HCN4: variants seen among roughly 807,000 people sequenced by gnomAD.
HCN4 encodes the protein potassium/sodium hyperpolarization-activated cyclic nucleotide-gated channel 4.
Under a neutral mutation model 76.9 loss-of-function variants are expected in HCN4, and 29 were observed. The observed-to-expected ratio is 0.38, with a 90% CI of 0.28 to 0.51. HCN4 has a LOEUF of 0.51. Ranked by LOEUF, HCN4 falls within the 20% of genes least tolerant of loss-of-function variation. The pLI is 0.90. For synonymous variants in HCN4, 772 were observed against 762.5 expected, an observed-to-expected ratio of 1.01 and a Z score of -0.21; for missense variants, 1,416 against 1,715.2, an observed-to-expected ratio of 0.83 and a Z score of 3.08.
intron 1 of HCN4, among the ~76,000 whole-genome samples, chr15:73,348,203 C>T (rs923284345): frequency 6.6e-6 from 1 of 152,198 alleles, no homozygotes; most frequent in African/African-American, 2.4e-5. Context: ...AAGGACAAGA[C>T]TAAGGGCCCT....
At chr15:73,331,470 T>TTTTA (rs975320172) in intron 3 of HCN4, among the ~76,000 whole-genome samples, 13 of 152,302 alleles carry the variant, frequency 8.5e-5, no homozygotes, top group African/African-American at 2.6e-4. Flanking sequence ...GCTTTTTGTT[T>TTTTA]TTTATTTTTA....
chr15:73,326,692 G>T (rs2042901334), intron 4 of HCN4, among the ~76,000 whole-genome samples: 1 of 152,172 alleles, frequency 6.6e-6, no homozygotes, highest in Admixed American at 6.5e-5. Context: ...ACATTTTAAA[G>T]TCTCAAATGA....
At chr15:73,344,603 C>G (rs1250228659) in intron 1 of HCN4, among the ~76,000 whole-genome samples, 2 of 152,132 alleles carry the variant, frequency 1.3e-5, no homozygotes, top group Non-Finnish European at 2.9e-5. Context: ...CAGTGAGATA[C>G]CACTCAATGT....
intron 1 of HCN4, among the ~76,000 whole-genome samples, chr15:73,356,986 G>A (rs1015660916): frequency 6.6e-6 from 1 of 152,144 alleles, no homozygotes; most frequent in African/African-American, 2.4e-5. Context: ...TAGTGCAGAT[G>A]GGGGCTTGGG....
At position 73,323,636 on chromosome 15, in the gene HCN4, G is replaced by A. The variant is rs547297597; in HGVS notation, c.2457C>T (p.Ala819=). ...PPGSGLGNLG[A]GQTPRHLKRL... ...GTTTCAGGTGCCTTGGCGTCTGCCC[G>A]GCACCGAGGTTGCCCAGCCCAGATC... The change falls in exon 8 of 8, where the codon GCC becomes GCT. Residue 819 remains alanine, a synonymous_variant. Transcript: ENST00000261917. 6.3e-6 allele frequency: 10 copies of A among 1,597,892 alleles called. No individual in the cohort carries two copies. The highest frequency in any genetic ancestry group is 5.0e-5 in the Admixed American group (3 of 59,658).
At chr15:73,341,611 G>A (rs1016843849) in intron 2 of HCN4, among the ~76,000 whole-genome samples, 2 of 152,144 alleles carry the variant, frequency 1.3e-5, no homozygotes, top group African/African-American at 4.8e-5. Flanking sequence ...TTTAACTTGG[G>A]TCTTAAATGC....
Position 73,325,340 on chromosome 15 carries a change from G to A in HCN4, c.1695C>T (p.Asp565=), listed in dbSNP as rs1182908564. 16 of 1,613,612 alleles carry A rather than the reference G, an allele frequency of 9.9e-6. No individual in the cohort carries two copies. Among genetic ancestry groups the A allele is most frequent in the East Asian group, 6.7e-5 (3 of 44,874 alleles). Residue 565 remains aspartate (D), a synonymous_variant, in exon 5 of 8, where the codon GAC becomes GAT. Coordinates refer to ENST00000261917, the MANE Select transcript of HCN4 (RefSeq NM_005477.3). This position sits in a 1 kb window ranked among gnomAD's most constrained non-coding sequence, Gnocchi z 7.4. ...TTAGCTCGCCCAGGATGCTCTCCTC[G>A]TCGAACATCTTGCCCTGGTAGCGGT... The part of the protein sequence containing the change: ...YEHRYQGKMF[D]EESILGELSE...
At chr15:73,332,649 G>A (rs185997402) in intron 2 of HCN4, among the ~76,000 whole-genome samples, 2 of 152,332 alleles carry the variant, frequency 1.3e-5, no homozygotes, top group African/African-American at 4.8e-5. Context: ...GAGGATACCA[G>A]GGAGAAAAGC....
At chr15:73,355,946 T>C (rs2043077047) in intron 1 of HCN4, among the ~76,000 whole-genome samples, 1 of 152,100 alleles carries the variant, frequency 6.6e-6, no homozygotes, top group African/African-American at 2.4e-5. Context: ...CAGTCAAGCT[T>C]ACAAGAATCA....
intron 1 of HCN4, among the ~76,000 whole-genome samples, chr15:73,345,855 C>T (rs2043027547): frequency 6.6e-6 from 1 of 152,168 alleles, no homozygotes; most frequent in African/African-American, 2.4e-5. Flanking sequence ...GGAGGAGTTT[C>T]TAAAATTAAC....
chr15:73,356,989 G>A (rs914722108), intron 1 of HCN4, among the ~76,000 whole-genome samples: 2 of 152,118 alleles, frequency 1.3e-5, no homozygotes, highest in Non-Finnish European at 2.9e-5. Context: ...TGCAGATGGG[G>A]GCTTGGGGAT....
At position 73,367,896 on chromosome 15, in the gene HCN4, G is replaced by C; in HGVS notation, c.375C>G (p.Ser125=). The C allele has an allele frequency of 8.0e-6, 11 of 1,380,728 alleles. No homozygotes were observed. Among genetic ancestry groups the C allele is most frequent in the Non-Finnish European group, 9.4e-6 (10 of 1,065,690 alleles). The allele number at this position is 1,380,728 out of a possible 1,614,324, so 85.5% of individuals were successfully genotyped here. A position where few individuals can be genotyped will look rare whatever the true frequency, so the allele number is the denominator to read the frequency against. ...CGGCGATGAGCCGCCGCTCCTCCGCGGAGTCATGCAGGTGTCCGTGACTGC... is the reference window on the plus strand; with the variant it reads ...CGGCGATGAGCCGCCGCTCCTCCGCCGAGTCATGCAGGTGTCCGTGACTGC... ...SGSSHGHLHD[S]AEERRLIAEG... is the part of the protein sequence containing the mutation. The change falls in exon 1 of 8, where the codon TCC becomes TCG. Residue 125 remains serine (S), a synonymous_variant. Transcript: ENST00000261917. This position sits in a 1 kb window ranked among gnomAD's most constrained non-coding sequence, Gnocchi z 7.5.
In HCN4 at chr15:73,322,792, G is replaced by C; in HGVS notation, c.3301C>G (p.Leu1101Val). 1 of 1,552,232 alleles carries C rather than the reference G, an allele frequency of 6.4e-7. No individual in the cohort carries two copies. Among genetic ancestry groups the C allele is most frequent in the Non-Finnish European group, 8.7e-7 (1 of 1,148,668 alleles). The change falls in exon 8 of 8, where the codon CTC becomes GTC. Residue 1101 changes from leucine to valine, a missense_variant. By Grantham distance (32) the Leu-to-Val change is conservative. This residue lies in a region of HCN4 where 633 missense variants were observed against 579.8 expected (regional missense o/e 1.09). Transcript: ENST00000261917. ...PALPQDGAQT[L>V]RRASPHSSGE... Reference sequence around the variant, plus strand: ...GAGGAGTGCGGGGAGGCTCTGCGGAGAGTCTGCGCCCCGTCCTGAGGCAGG... The same window carrying C: ...GAGGAGTGCGGGGAGGCTCTGCGGACAGTCTGCGCCCCGTCCTGAGGCAGG...
rs962478181 is a variant in HCN4, at chr15:73,340,162, G to C, written c.1209+3223C>G. The stretch of plus-strand genomic sequence containing the variant: ...GGTGGCCTGGCCAGGGTGGCAGTGG[G>C]GACAGGAGCCCTGGGCCTGAGCTCC... On this transcript the variant is annotated intron_variant, in intron 2 of 7. Transcript: ENST00000261917. 2.6e-5 allele frequency among the ~76,000 whole-genome samples: 4 copies of C among 152,148 alleles called. No homozygotes were observed. In the East Asian group the frequency reaches 5.8e-4, roughly 22 times the overall value.
rs185639061 is a variant in HCN4, at chr15:73,359,253, G to C, written c.785+8233C>G. On this transcript the variant is annotated intron_variant, in intron 1 of 7. Coordinates refer to ENST00000261917, the MANE Select transcript of HCN4 (RefSeq NM_005477.3). ...GGGAGTCCCCCTATCCAGCCGGCAC[G>C]GCTCGAGGTCCAGCCCTGACCCTGA... Among the ~76,000 whole-genome samples the C allele has an allele frequency of 5.3e-5, 8 of 152,270 alleles. No homozygotes were observed. In the East Asian group the frequency reaches 1.5e-3, roughly 29 times the overall value.
At chr15:73,357,448 C>T (rs1028345749) in intron 1 of HCN4, among the ~76,000 whole-genome samples, 2 of 152,144 alleles carry the variant, frequency 1.3e-5, no homozygotes, top group Non-Finnish European at 2.9e-5. Flanking sequence ...CCTCCACCCA[C>T]AGTCATCTGG....
rs1276348538 is a variant in HCN4, at chr15:73,319,912, TTC to T, written c.*2567_*2568del. On this transcript the variant is annotated 3_prime_UTR_variant, in exon 8 of 8. Coordinates refer to ENST00000261917, the MANE Select transcript of HCN4 (RefSeq NM_005477.3). Reference sequence around the variant, plus strand: ...TATACAATACGGCGCATTTACCGGTTTCTGTTTTAAAAGTGGATTTGAAAATT... The same window carrying T: ...TATACAATACGGCGCATTTACCGGTTTGTTTTAAAAGTGGATTTGAAAATT... The T allele has an allele frequency of 6.6e-6, 1 of 152,202 alleles. No individual in the cohort carries two copies. Among genetic ancestry groups the T allele is most frequent in the Non-Finnish European group, 1.5e-5 (1 of 68,052 alleles). The allele number at this position is 152,202 out of a possible 1,614,324, so 9.4% of individuals were successfully genotyped here.
chr15:73,337,453 T>C (rs2042973718), intron 2 of HCN4, among the ~76,000 whole-genome samples: 1 of 152,254 alleles, frequency 6.6e-6, no homozygotes, highest in Admixed American at 6.5e-5. Flanking sequence ...AGTCCCAGAC[T>C]GTCACAGGCC....
chr15:73,328,960 G>A lies in HCN4; in HGVS notation c.1590+613C>T, dbSNP rs979565859. Among the ~76,000 whole-genome samples, 1 of 152,170 alleles carries A rather than the reference G, an allele frequency of 6.6e-6. No individual in the cohort carries two copies. The highest frequency in any genetic ancestry group is 1.5e-5 in the Non-Finnish European group (1 of 68,026). ...CTCATTACAGACATGAGGGGCGTGG[G>A]GTGTCCAGAGAGGGATGAAATAAAC... On this transcript the variant is annotated intron_variant, in intron 4 of 7. Coordinates refer to ENST00000261917, the MANE Select transcript of HCN4 (RefSeq NM_005477.3). This position sits in a 1 kb window ranked among gnomAD's most constrained non-coding sequence, Gnocchi z 4.0.
Sources: gnomAD v4.1 joint callset for allele counts (sites outside exome capture counted in the v4.1 genomes callset) on GRCh38, gnomAD v4.1.1 for gene constraint, gnomAD v4.1.1 regional missense constraint, Gnocchi (gnomAD v3.1) non-coding constraint, MANE v1.5 for transcripts, NCBI Gene and HGNC (gene_info 2026-07-23, HGNC 2026-07-21) for gene names.